The following AUTS2 variants were observed in gnomAD, a reference collection of about 807,000 sequenced individuals.
The protein encoded by AUTS2 is activator of transcription and developmental regulator AUTS2.
A neutral mutation model predicts 112.4 loss-of-function variants in AUTS2; 17 were observed. The ratio of observed to expected loss-of-function variants is 0.15; its 90% confidence interval spans 0.10 to 0.23. AUTS2 has a LOEUF of 0.23. Among genes scored for constraint, AUTS2 ranks in the 10% least tolerant of loss-of-function variants. The probability of loss-of-function intolerance (pLI) is 1.00; values close to 1 mark genes in which losing one functional copy is unlikely to be tolerated. For synonymous variants in AUTS2, 751 were observed against 702.7 expected (o/e 1.07, Z -1.09); for missense variants, 1,510 against 1,701.6 (o/e 0.89, Z 1.98).
intron 1 of AUTS2, among the ~76,000 whole-genome samples, chr7:69,782,348 A>T (rs1584239158): frequency 6.8e-6 from 1 of 146,558 alleles, no homozygotes; most frequent in African/African-American, 2.5e-5. Flanking sequence ...ACAGAGTGAG[A>T]CCCCATCTCT....
chr7:69,831,345 A>T (rs896942759), intron 1 of AUTS2, among the ~76,000 whole-genome samples: 1 of 152,160 alleles, frequency 6.6e-6, no homozygotes, highest in African/African-American at 2.4e-5. Context: ...TCATTGCTGG[A>T]AATGAGATGC....
At position 70,768,070 on chromosome 7, in the gene AUTS2, T is replaced by G. The variant is rs750468130; in HGVS notation, c.1734+2T>G. 1 of 1,602,488 alleles carries G rather than the reference T, an allele frequency of 6.2e-7. No homozygotes were observed. The highest frequency in any genetic ancestry group is 8.5e-7 in the Non-Finnish European group (1 of 1,175,806). ...GTTGACCCATTCTACCGGCACAGTG[T>G]GAGTTTCATTACCATGCTACACATT... On this transcript the variant is annotated splice_donor_variant, in intron 10 of 18. Transcript: ENST00000342771. LOFTEE classifies it high-confidence loss of function.
At chr7:70,288,717 T>A (rs918029368) in intron 4 of AUTS2, among the ~76,000 whole-genome samples, 1 of 152,044 alleles carries the variant, frequency 6.6e-6, no homozygotes, top group East Asian at 1.9e-4. Flanking sequence ...GATGTATAAA[T>A]GAAGACAAAT....
intron 4 of AUTS2, among the ~76,000 whole-genome samples, chr7:70,360,010 T>C (rs1042719896): frequency 5.9e-5 from 9 of 152,250 alleles, no homozygotes; most frequent in Non-Finnish European, 1.3e-4. Flanking sequence ...TAAAAAGATG[T>C]AGGTTAATTA....
chr7:70,776,381 A>T (rs1218069462), intron 13 of AUTS2, among the ~76,000 whole-genome samples: 1 of 152,196 alleles, frequency 6.6e-6, no homozygotes, highest in African/African-American at 2.4e-5. Context: ...ATAAAGCAAG[A>T]CATGAAATAA....
At chr7:70,608,631 A>T (rs1043497696) in intron 5 of AUTS2, among the ~76,000 whole-genome samples, 9 of 152,222 alleles carry the variant, frequency 5.9e-5, no homozygotes, top group Non-Finnish European at 1.2e-4. Flanking sequence ...TGATGAAAGG[A>T]AGAAGTGCTT....
intron 2 of AUTS2, among the ~76,000 whole-genome samples, chr7:70,066,458 T>C (rs1161166187): frequency 6.6e-6 from 1 of 152,198 alleles, no homozygotes; most frequent in Admixed American, 6.5e-5. Flanking sequence ...TGGATGTCTG[T>C]TATCTGTTTG....
At chr7:70,536,851 G>C (rs10273408) in intron 5 of AUTS2, among the ~76,000 whole-genome samples, 1 of 152,110 alleles carries the variant, frequency 6.6e-6, no homozygotes, top group Admixed American at 6.5e-5. Flanking sequence ...GGTGAGCTGA[G>C]ATTGTGCCAT....
intron 1 of AUTS2, among the ~76,000 whole-genome samples, chr7:69,861,222 T>C (rs1255436843): frequency 1.3e-5 from 2 of 152,210 alleles, no homozygotes; most frequent in African/African-American, 4.8e-5. Context: ...GAAGGGCTTT[T>C]ACCATATTCT....
At chr7:70,395,753 C>T (rs1011885436) in intron 4 of AUTS2, among the ~76,000 whole-genome samples, 5 of 152,098 alleles carry the variant, frequency 3.3e-5, no homozygotes, top group East Asian at 1.9e-4. Flanking sequence ...AAGGAGCCTA[C>T]GAGAGTCAGA....
intron 2 of AUTS2, among the ~76,000 whole-genome samples, chr7:70,056,514 A>G (rs1399398641): frequency 2.0e-5 from 3 of 152,182 alleles, no homozygotes; most frequent in African/African-American, 2.4e-5. Context: ...CTGTGCAGTT[A>G]ATCTCAGTGC....
chr7:69,938,774 G>A (rs1562981627), intron 2 of AUTS2, among the ~76,000 whole-genome samples: 1 of 152,162 alleles, frequency 6.6e-6, no homozygotes, highest in Non-Finnish European at 1.5e-5. Context: ...AGAAAAGAAC[G>A]TAGGCTAAGA....
At chr7:69,717,060 G>A (rs1358567816) in intron 1 of AUTS2, among the ~76,000 whole-genome samples, 1 of 152,062 alleles carries the variant, frequency 6.6e-6, no homozygotes, top group African/African-American at 2.4e-5. Flanking sequence ...TACATAGGCA[G>A]GATCGATTAC....
chr7:69,648,721 G>C (rs1001828523), intron 1 of AUTS2, among the ~76,000 whole-genome samples: 4 of 152,100 alleles, frequency 2.6e-5, no homozygotes, highest in Non-Finnish European at 4.4e-5. Context: ...GTCATGTAGG[G>C]GGAGGATGTG....
At chr7:70,285,102 AT>A (rs35363920) in intron 4 of AUTS2, among the ~76,000 whole-genome samples, 73 of 147,056 alleles carry the variant, frequency 5.0e-4, no homozygotes, top group Middle Eastern at 3.5e-3. Context: ...AGCCATGCTG[AT>A]TTTTTTTTTT....
At chr7:70,745,950 C>A (rs1459011510) in intron 6 of AUTS2, among the ~76,000 whole-genome samples, 1 of 151,748 alleles carries the variant, frequency 6.6e-6, no homozygotes, top group Non-Finnish European at 1.5e-5. Context: ...TGATTTTTTT[C>A]CTTTTGAATT....
intron 1 of AUTS2, among the ~76,000 whole-genome samples, chr7:69,729,994 A>ATTTTTTTTTTTTTTTTT (rs10684331): frequency 1.8e-5 from 1 of 56,760 alleles, no homozygotes; most frequent in Non-Finnish European, 3.0e-5. Context: ...TGTTGTTTTA[A>ATTTTTTTTTTTTTTTTT]TTTTTTTTTT....
chr7:69,816,551 C>A (rs1303495843), intron 1 of AUTS2, among the ~76,000 whole-genome samples: 1 of 152,182 alleles, frequency 6.6e-6, no homozygotes, highest in Admixed American at 6.5e-5. Flanking sequence ...TTGCTCCATC[C>A]TGTCTAGTCT....
At chr7:69,894,081 T>A (rs746924518) in intron 1 of AUTS2, among the ~76,000 whole-genome samples, 9 of 152,022 alleles carry the variant, frequency 5.9e-5, no homozygotes, top group Non-Finnish European at 1.2e-4. Context: ...TTTCAACTAT[T>A]CTCCAAACCT....
Sources: gnomAD v4.1 joint callset for allele counts (sites outside exome capture counted in the v4.1 genomes callset) on GRCh38, gnomAD v4.1.1 for gene constraint, MANE v1.5 for transcripts, NCBI Gene and HGNC (gene_info 2026-07-23, HGNC 2026-07-21) for gene names.